Variants in CAMK4 observed in about 807,000 individuals in gnomAD.
CAMK4 encodes calcium/calmodulin-dependent protein kinase type IV.
Under a neutral mutation model 44.9 loss-of-function variants are expected in CAMK4, and 22 were observed. That is an observed-to-expected ratio of 0.49 (90% CI 0.35 to 0.70). The LOEUF is 0.70. Among genes scored for constraint, CAMK4 ranks in the 30% least tolerant of loss-of-function variants. CAMK4 has a pLI of 0.01. For missense variants in CAMK4, 498 were observed against 586.8 expected, an observed-to-expected ratio of 0.85 and a Z score of 1.56; for synonymous variants, 218 against 215.4, an observed-to-expected ratio of 1.01 and a Z score of -0.11.
chr5:111,278,247 T>C (rs2112597482), intron 1 of CAMK4, among the ~76,000 whole-genome samples: 1 of 152,340 alleles, frequency 6.6e-6, no homozygotes, highest in Non-Finnish European at 1.5e-5. Flanking sequence ...AGTCACTGCA[T>C]AGCCCTGGAC....
intron 1 of CAMK4, among the ~76,000 whole-genome samples, chr5:111,298,061 A>G (rs1747565430): frequency 6.6e-6 from 1 of 152,206 alleles, no homozygotes; most frequent in Non-Finnish European, 1.5e-5. Context: ...TCCTCACCAT[A>G]GCACCTAATG....
rs1355061002 is a variant in CAMK4 at position 111,374,931 on chromosome 5, A to G, written c.303+19A>G. ...AAACATTGTAAGTGGTTTTTAACCTACTATTTCAAATGATTGCCAGAGCTA... is the reference window on the plus strand; with the variant it reads ...AAACATTGTAAGTGGTTTTTAACCTGCTATTTCAAATGATTGCCAGAGCTA... On this transcript the variant is annotated intron_variant, in intron 3 of 10. Coordinates refer to ENST00000282356, the MANE Select transcript of CAMK4 (RefSeq NM_001744.6). The G allele has an allele frequency of 2.6e-6, 4 of 1,548,874 alleles. No homozygotes were observed. The highest frequency in any genetic ancestry group is 1.4e-5 in the African/African-American group (1 of 73,536).
chr5:111,407,283 G>A (rs183357351), intron 5 of CAMK4, among the ~76,000 whole-genome samples: 32 of 151,620 alleles, frequency 2.1e-4, no homozygotes, highest in South Asian at 1.7e-3. Flanking sequence ...CCTGGGAGGC[G>A]GAGGTTGCAG....
chr5:111,413,644 C>T (rs573032958), intron 5 of CAMK4, among the ~76,000 whole-genome samples: 4 of 150,448 alleles, frequency 2.7e-5, no homozygotes, highest in African/African-American at 4.9e-5. Context: ...CAGTTGTCAA[C>T]GAATTTTGAA....
chr5:111,256,367 G>A (rs1749746500), intron 1 of CAMK4, among the ~76,000 whole-genome samples: 1 of 152,108 alleles, frequency 6.6e-6, no homozygotes, highest in Admixed American at 6.5e-5. Flanking sequence ...TATCTTGGTT[G>A]TGTTGGTGGT....
intron 8 of CAMK4, among the ~76,000 whole-genome samples, chr5:111,475,411 T>C (rs911722527): frequency 2.6e-5 from 4 of 151,880 alleles, no homozygotes; most frequent in African/African-American, 9.7e-5. Flanking sequence ...CCCAGAAAAA[T>C]TGGAATGTGG....
intron 1 of CAMK4, among the ~76,000 whole-genome samples, chr5:111,267,113 T>A (rs1750283449): frequency 6.6e-6 from 1 of 152,166 alleles, no homozygotes; most frequent in Non-Finnish European, 1.5e-5. Context: ...TTAATATGAT[T>A]CTGGTAGTCT....
chr5:111,367,974 C>T (rs1404214704), intron 2 of CAMK4, among the ~76,000 whole-genome samples: 1 of 152,062 alleles, frequency 6.6e-6, no homozygotes, highest in Non-Finnish European at 1.5e-5. Flanking sequence ...TTCTGCATTT[C>T]CCTTTTTCCT....
At chr5:111,459,344 C>T (rs62371306) in intron 7 of CAMK4, among the ~76,000 whole-genome samples, 1,697 of 152,232 alleles carry the variant, frequency 0.011, 12 homozygotes, top group South Asian at 0.028. Context: ...CTAAAGCTGT[C>T]GGCAATAGTA....
At chr5:111,429,846 G>A (rs1753372991) in intron 5 of CAMK4, among the ~76,000 whole-genome samples, 1 of 128,844 alleles carries the variant, frequency 7.8e-6, no homozygotes, top group Admixed American at 8.1e-5. Flanking sequence ...AAAAGCCCAG[G>A]ACCTAATGGC....
rs1755617573 is a variant in CAMK4, at chr5:111,486,340, TTCC to T, written c.*1876_*1878del. 6.6e-6 allele frequency: 1 copy of T among 152,022 alleles called. No individual in the cohort carries two copies. Among genetic ancestry groups the T allele is most frequent in the African/African-American group, 2.4e-5 (1 of 41,398 alleles). 9.4% of individuals were successfully genotyped at this position (152,022 alleles called of 1,614,324 possible). On this transcript the variant is annotated 3_prime_UTR_variant, in exon 11 of 11. Transcript: ENST00000282356. ...AGAGAGCACTTTTCTTATTCCCTCT[TTCC>T]TTCCTTCCTCATTTAATTATTCCCT...
rs530158383 is a variant in CAMK4 at position 111,367,427 on chromosome 5, A to G, written c.241-7423A>G. ...ACAATGGCAATTAAGTTTCCAACACATGAACTTTTGGAGGATGCATTCAAA... is the reference window on the plus strand; with the variant it reads ...ACAATGGCAATTAAGTTTCCAACACGTGAACTTTTGGAGGATGCATTCAAA... On this transcript the variant is annotated intron_variant, in intron 2 of 10. Transcript: ENST00000282356. 3.3e-5 allele frequency among the ~76,000 whole-genome samples: 5 copies of G among 152,124 alleles called. 1 individual carries two copies. In the South Asian group the frequency reaches 1.0e-3, roughly 32 times the overall value.
At chr5:111,470,716 G>C (rs73789612) in intron 7 of CAMK4, among the ~76,000 whole-genome samples, 1,661 of 152,288 alleles carry the variant, frequency 0.011, 29 homozygotes, top group African/African-American at 0.038. Flanking sequence ...AAGGAACCAA[G>C]TTACTACTGT....
rs145924523 is a variant in CAMK4, at chr5:111,293,024, T to A, written c.162-51000T>A. Among the ~76,000 whole-genome samples the A allele has an allele frequency of 9.2e-3, 1,399 of 152,332 alleles. 19 individuals carry two copies. Among genetic ancestry groups the A allele is most frequent in the South Asian group, 0.018 (88 of 4,826 alleles). ...TGCCTTTAAAAGTGGGCAGGCTTCC[T>A]GTATTTGAGATAATTTTATATCGGA... On this transcript the variant is annotated intron_variant, in intron 1 of 10. Transcript: ENST00000282356.
intron 7 of CAMK4, among the ~76,000 whole-genome samples, chr5:111,469,184 T>A (rs1200417847): frequency 3.0e-4 from 25 of 82,124 alleles, no homozygotes; most frequent in African/African-American, 6.1e-4. Context: ...TATATATATA[T>A]ATATATATAT....
chr5:111,345,194 A>G (rs1749816718), intron 2 of CAMK4, among the ~76,000 whole-genome samples: 2 of 151,936 alleles, frequency 1.3e-5, no homozygotes. Flanking sequence ...ATAGAATGAT[A>G]TTTTTAAACA....
chr5:111,231,686 T>G (rs781033251), intron 1 of CAMK4, among the ~76,000 whole-genome samples: 10 of 151,390 alleles, frequency 6.6e-5, no homozygotes, highest in Non-Finnish European at 1.2e-4. Context: ...CTTCTGCTAT[T>G]TGCTTAATAT....
chr5:111,345,787 G>A (rs1749839069), intron 2 of CAMK4, among the ~76,000 whole-genome samples: 1 of 151,970 alleles, frequency 6.6e-6, no homozygotes, highest in South Asian at 2.1e-4. Context: ...GGTTCATGAC[G>A]TATATTCGTT....
At chr5:111,254,193 C>T (rs987316794) in intron 1 of CAMK4, among the ~76,000 whole-genome samples, 1 of 152,206 alleles carries the variant, frequency 6.6e-6, no homozygotes, top group African/African-American at 2.4e-5. Flanking sequence ...CTTTGTTCTG[C>T]CTTCTAGGGT....
Sources: gnomAD v4.1 joint callset for allele counts (sites outside exome capture counted in the v4.1 genomes callset) on GRCh38, gnomAD v4.1.1 for gene constraint, MANE v1.5 for transcripts, NCBI Gene and HGNC (gene_info 2026-07-23, HGNC 2026-07-21) for gene names.